FAF1: variants seen among roughly 807,000 people sequenced by gnomAD.
The protein encoded by FAF1 is FAS-associated factor 1.
FAF1 carries 25 observed loss-of-function variants against 92.5 expected under a neutral mutation model. The observed-to-expected ratio is 0.27, with a 90% CI of 0.20 to 0.38. The LOEUF (loss-of-function observed/expected upper bound fraction) is 0.38, where lower values mean the gene tolerates loss of function less well. FAF1 is among the 10% of genes least tolerant of loss of function. The probability of loss-of-function intolerance (pLI) is 1.00; values close to 1 mark genes in which losing one functional copy is unlikely to be tolerated. For missense variants in FAF1, 636 were observed against 793.3 expected (o/e 0.80, Z 2.38); for synonymous variants, 234 against 273.2 (o/e 0.86, Z 1.42).
intron 15 of FAF1, among the ~76,000 whole-genome samples, chr1:50,527,094 T>C (rs1242453981): frequency 2.6e-5 from 4 of 151,986 alleles, no homozygotes; most frequent in African/African-American, 9.7e-5. Context: ...CAGCCTCAAG[T>C]ATCTGCCCAC....
At chr1:50,564,549 T>TG (rs1180179239) in intron 13 of FAF1, among the ~76,000 whole-genome samples, 6 of 152,092 alleles carry the variant, frequency 3.9e-5, no homozygotes, top group African/African-American at 1.4e-4. Flanking sequence ...TAAATATTAG[T>TG]GCAAGCAGTC....
At chr1:50,505,442 G>C (rs1279063744) in intron 15 of FAF1, among the ~76,000 whole-genome samples, 1 of 152,162 alleles carries the variant, frequency 6.6e-6, no homozygotes, top group Non-Finnish European at 1.5e-5. Context: ...GTGTGTATGT[G>C]AGTGTAACAA....
chr1:50,625,845 A>G (rs1055831198), intron 8 of FAF1, among the ~76,000 whole-genome samples: 1 of 152,200 alleles, frequency 6.6e-6, no homozygotes, highest in Non-Finnish European at 1.5e-5. Flanking sequence ...CAAGCAAGTA[A>G]TAAGATGCAA....
chr1:50,928,616 T>C (rs1477042748), intron 1 of FAF1, among the ~76,000 whole-genome samples: 2 of 150,278 alleles, frequency 1.3e-5, no homozygotes, highest in Non-Finnish European at 3.0e-5. Context: ...ACCCCATCTC[T>C]ACTAAAAATA....
intron 12 of FAF1, among the ~76,000 whole-genome samples, chr1:50,571,590 C>G (rs956637444): frequency 6.6e-6 from 1 of 152,168 alleles, no homozygotes; most frequent in Non-Finnish European, 1.5e-5. Flanking sequence ...AAAGATTAAG[C>G]AGCTCCTTCA....
At chr1:50,554,386 T>G (rs200561079) in intron 13 of FAF1, among the ~76,000 whole-genome samples, 17,090 of 98,778 alleles carry the variant, frequency 0.17, 1,377 homozygotes, top group East Asian at 0.31. Context: ...TATATATATA[T>G]ATATAGAGAG....
chr1:50,689,258 T>TCA (rs1656805841), intron 7 of FAF1, among the ~76,000 whole-genome samples: 1 of 152,054 alleles, frequency 6.6e-6, no homozygotes, highest in Non-Finnish European at 1.5e-5. Flanking sequence ...GACATAGCAA[T>TCA]TCTACTCCTA....
chr1:50,533,510 C>A (rs920335027), intron 15 of FAF1, among the ~76,000 whole-genome samples: 3 of 152,148 alleles, frequency 2.0e-5, no homozygotes, highest in Non-Finnish European at 4.4e-5. Context: ...TGTTAGGGGA[C>A]AGACTTACAA....
chr1:50,842,012 C>T (rs897316889), intron 2 of FAF1, among the ~76,000 whole-genome samples: 2 of 152,054 alleles, frequency 1.3e-5, no homozygotes, highest in Non-Finnish European at 2.9e-5. Context: ...TGTTACACTT[C>T]CTGACTGACC....
chr1:50,839,964 AT>A (rs1227261707), intron 2 of FAF1, among the ~76,000 whole-genome samples: 1 of 152,080 alleles, frequency 6.6e-6, no homozygotes, highest in East Asian at 1.9e-4. Context: ...AATCTAACTG[AT>A]GTTCAATAAG....
intron 14 of FAF1, among the ~76,000 whole-genome samples, chr1:50,538,241 A>G (rs906926941): frequency 1.4e-5 from 2 of 147,076 alleles, no homozygotes; most frequent in Non-Finnish European, 2.9e-5. Flanking sequence ...AGTGTAAGCA[A>G]CCACACCAGT....
rs534414204 is a variant in FAF1, at chr1:50,453,355, C to T, written c.1870-11832G>A. The stretch of plus-strand genomic sequence containing the variant: ...GAGCTGGTGTGTGCATTGCTCTGCA[C>T]GCAAACACCACTCAAGAGCTGGGGC... On this transcript the variant is annotated intron_variant, in intron 18 of 18. Transcript: ENST00000396153. Among the ~76,000 whole-genome samples the T allele has an allele frequency of 3.3e-5, 5 of 152,246 alleles. No individual in the cohort carries two copies. The South Asian group carries it at 6.2e-4, about 19-fold the overall frequency.
chr1:50,592,768 C>A (rs1424001979), intron 9 of FAF1, among the ~76,000 whole-genome samples: 1 of 152,002 alleles, frequency 6.6e-6, no homozygotes, highest in Non-Finnish European at 1.5e-5. Context: ...GCCAACATGG[C>A]AAAATCCTGT....
At chr1:50,819,730 C>CAT (rs1427332133) in intron 2 of FAF1, among the ~76,000 whole-genome samples, 11,860 of 35,578 alleles carry the variant, frequency 0.33, 2,652 homozygotes, top group South Asian at 0.43. Flanking sequence ...TATATATATA[C>CAT]ATATATATAC....
chr1:50,938,578 T>G (rs1645105340), intron 1 of FAF1, among the ~76,000 whole-genome samples: 2 of 152,234 alleles, frequency 1.3e-5, no homozygotes, highest in African/African-American at 2.4e-5. Context: ...CTCTTTAGTT[T>G]AATCATGTCC....
At chr1:50,729,970 C>A (rs939549544) in intron 6 of FAF1, among the ~76,000 whole-genome samples, 1 of 151,868 alleles carries the variant, frequency 6.6e-6, no homozygotes, top group Admixed American at 6.6e-5. Flanking sequence ...GCAGTGAGCC[C>A]AGATTGAGCC....
intron 15 of FAF1, among the ~76,000 whole-genome samples, chr1:50,496,276 T>C (rs190290339): frequency 6.6e-6 from 1 of 152,332 alleles, no homozygotes; most frequent in East Asian, 1.9e-4. Context: ...CAATAGGTCC[T>C]TGTCATCAGA....
intron 4 of FAF1, among the ~76,000 whole-genome samples, chr1:50,747,411 G>A (rs977383562): frequency 5.9e-5 from 9 of 152,182 alleles, no homozygotes; most frequent in East Asian, 1.9e-4. Context: ...CTATCCTGCT[G>A]GGTTTTGAAC....
intron 1 of FAF1, among the ~76,000 whole-genome samples, chr1:50,953,203 T>C (rs1012447760): frequency 9.9e-5 from 15 of 152,168 alleles, no homozygotes; most frequent in Admixed American, 2.6e-4. Context: ...AGCATGCTCC[T>C]TAAGAGTCAT....
Sources: allele counts gnomAD v4.1 joint callset (sites outside exome capture counted in the v4.1 genomes callset), GRCh38; gene constraint gnomAD v4.1.1; transcripts MANE v1.5; gene names NCBI Gene and HGNC (gene_info 2026-07-23, HGNC 2026-07-21).